Variants in BET1 observed in about 807,000 individuals in gnomAD.
The protein encoded by BET1 is Bet1 golgi vesicular membrane trafficking protein.
In BET1, 9 loss-of-function variants were observed where a neutral mutation model predicts 13.9. That is an observed-to-expected ratio of 0.65 (90% CI 0.39 to 1.13). The LOEUF is 1.13. Ranked by LOEUF, BET1 falls within the 50% of genes most tolerant of loss-of-function variation. BET1 has a pLI of 0.01. For missense variants in BET1, 127 were observed against 133.6 expected (o/e 0.95, Z 0.24); for synonymous variants, 39 against 47.3 (o/e 0.82, Z 0.72).
chr7:93,967,134 A>G (rs1795186154), intron 6 of BET1, among the ~76,000 whole-genome samples: 1 of 151,784 alleles, frequency 6.6e-6, no homozygotes, highest in Non-Finnish European at 1.5e-5. Context: ...CATCAGTACA[A>G]TTGTGTAAGG....
intron 4 of BET1, among the ~76,000 whole-genome samples, chr7:93,981,062 T>C (rs1332473574): frequency 1.3e-5 from 2 of 152,220 alleles, no homozygotes; most frequent in East Asian, 3.8e-4. Flanking sequence ...AGATTTCCCC[T>C]TGTTTCATTT....
intron 5 of BET1, chr7:93,975,828 A>T (rs1231786197): frequency 2.8e-6 from 2 of 711,048 alleles, no homozygotes; most frequent in East Asian, 1.4e-4. Flanking sequence ...TATCATGCTC[A>T]ATCACACCTG....
chr7:93,969,115 C>T (rs577778646), intron 6 of BET1, among the ~76,000 whole-genome samples: 8 of 151,884 alleles, frequency 5.3e-5, no homozygotes, highest in African/African-American at 1.7e-4. Context: ...AGATGTGAAA[C>T]GCTTGTGTCA....
Position 93,999,164 on chromosome 7 carries a change from A to C in BET1, c.144+6T>G, listed in dbSNP as rs778380204. 3.8e-6 allele frequency: 6 copies of C among 1,599,430 alleles called. No individual in the cohort carries two copies. The highest frequency in any genetic ancestry group is 5.1e-6 in the Non-Finnish European group (6 of 1,168,914). ...AAAACACATATAATATTTGTTATAT[A>C]CTTACAGATTTTATAGCAGTTACTT... is the stretch of plus-strand genomic sequence containing the variant. On this transcript the variant is annotated splice_donor_region_variant and intron_variant, in intron 2 of 3. Transcript: ENST00000222547.
chr7:93,967,662 A>C (rs1406291602), intron 6 of BET1, among the ~76,000 whole-genome samples: 1 of 151,868 alleles, frequency 6.6e-6, no homozygotes, highest in Non-Finnish European at 1.5e-5. Context: ...TAAAATCTTT[A>C]ACAATTTCTT....
chr7:93,995,469 A>G (rs1433127874), intron 3 of BET1, among the ~76,000 whole-genome samples: 1 of 152,172 alleles, frequency 6.6e-6, no homozygotes, highest in Admixed American at 6.5e-5. Flanking sequence ...CACCATGGTT[A>G]TGCATCAGAA....
At chr7:93,981,616 C>T (rs1012287203) in intron 4 of BET1, among the ~76,000 whole-genome samples, 1 of 152,180 alleles carries the variant, frequency 6.6e-6, no homozygotes, top group African/African-American at 2.4e-5. Context: ...GTTGCTGATT[C>T]TCATATAAAT....
downstream of BET1, among the ~76,000 whole-genome samples, chr7:93,989,993 A>G (rs1441358319): frequency 6.6e-6 from 1 of 152,128 alleles, no homozygotes; most frequent in Non-Finnish European, 1.5e-5. Flanking sequence ...GATATCTTTA[A>G]TAGACATCAT....
downstream of BET1, chr7:93,992,278 T>C: frequency 3.0e-6 from 3 of 985,246 alleles, no homozygotes; most frequent in Non-Finnish European, 3.6e-6. Context: ...CTGAAATCTC[T>C]ATCTGCTTGA....
intron 1 of BET1, chr7:93,999,670 C>G (rs117154677): frequency 2.2e-5 from 10 of 457,006 alleles, no homozygotes; most frequent in Non-Finnish European, 4.4e-5. Context: ...ATTGAAAAAG[C>G]GTGGCTGTGA....
chr7:93,987,485 C>T (rs1353739025), intron 4 of BET1, among the ~76,000 whole-genome samples: 7 of 152,142 alleles, frequency 4.6e-5, no homozygotes, highest in Non-Finnish European at 1.0e-4. Context: ...AGAATCCAAG[C>T]TGGCATCATC....
chr7:93,999,748 T>C (rs1366289248), intron 1 of BET1: 1 of 455,072 alleles, frequency 2.2e-6, no homozygotes, highest in East Asian at 7.0e-5. Context: ...TTTACTGGCA[T>C]CTCTTTCTCT....
At chr7:93,975,049 T>C (rs1200549051) in intron 5 of BET1, among the ~76,000 whole-genome samples, 1 of 152,010 alleles carries the variant, frequency 6.6e-6, no homozygotes, top group East Asian at 1.9e-4. Context: ...ACCAAATTGA[T>C]GGAAATTCTA....
chr7:93,974,226 G>C (rs563502486), intron 5 of BET1, among the ~76,000 whole-genome samples: 2 of 152,012 alleles, frequency 1.3e-5, no homozygotes, highest in African/African-American at 2.4e-5. Context: ...CATAAACTTA[G>C]ACATATGTGT....
chr7:93,981,166 A>C (rs1218089645), intron 4 of BET1, among the ~76,000 whole-genome samples: 1 of 152,110 alleles, frequency 6.6e-6, no homozygotes, highest in East Asian at 1.9e-4. Context: ...AATTCAGCCT[A>C]CCTTTGTAAA....
chr7:93,974,487 C>T (rs533401300), intron 5 of BET1, among the ~76,000 whole-genome samples: 1 of 152,010 alleles, frequency 6.6e-6, no homozygotes, highest in East Asian at 1.9e-4. Context: ...AAGAATAGGG[C>T]ATGTTGAAAG....
At position 93,993,598 on chromosome 7, in the gene BET1, C is replaced by A. The variant is rs1795687225; in HGVS notation, c.*632G>T. On this transcript the variant is annotated 3_prime_UTR_variant, in exon 4 of 4. Coordinates refer to ENST00000222547, the MANE Select transcript of BET1 (RefSeq NM_005868.6). ...ATATGAAATAATAACTATACTGATA[C>A]ACATGTGCAATGGGCCCTACCAGAA... 5.9e-6 allele frequency: 7 copies of A among 1,185,980 alleles called. No individual in the cohort carries two copies. In the South Asian group the frequency reaches 1.9e-4, roughly 32 times the overall value. The allele number at this position is 1,185,980 out of a possible 1,614,324, so 73.5% of individuals were successfully genotyped here. A position where few individuals can be genotyped will look rare whatever the true frequency, so the allele number is the denominator to read the frequency against.
At chr7:94,000,547 A>T (rs1363697475) in intron 1 of BET1, among the ~76,000 whole-genome samples, 1 of 152,106 alleles carries the variant, frequency 6.6e-6, no homozygotes, top group African/African-American at 2.4e-5. Flanking sequence ...TAAAGATAAA[A>T]CAAACTTGTT....
chr7:93,985,562 C>T (rs1795510648), intron 4 of BET1, among the ~76,000 whole-genome samples: 1 of 152,120 alleles, frequency 6.6e-6, no homozygotes, highest in East Asian at 1.9e-4. Context: ...GTGGAGAGTT[C>T]ATATTCAAAC....
Sources: allele counts gnomAD v4.1 joint callset (sites outside exome capture counted in the v4.1 genomes callset), GRCh38; gene constraint gnomAD v4.1.1; transcripts MANE v1.5; gene names NCBI Gene and HGNC (gene_info 2026-07-23, HGNC 2026-07-21).